The following MRPL1 variants were observed in gnomAD, a reference collection of about 807,000 sequenced individuals.
MRPL1 encodes the protein large ribosomal subunit protein uL1m.
A neutral mutation model predicts 38.0 loss-of-function variants in MRPL1; 28 were observed. The observed-to-expected ratio is 0.74, with a 90% CI of 0.55 to 1.01. The LOEUF is 1.01. Ranked by LOEUF, MRPL1 falls within the 50% of genes least tolerant of loss-of-function variation. The pLI, the probability that MRPL1 is intolerant of heterozygous loss-of-function variation, is 0.00. For missense variants in MRPL1, 358 were observed against 389.8 expected, an observed-to-expected ratio of 0.92 and a Z score of 0.69; for synonymous variants, 123 against 126.7, an observed-to-expected ratio of 0.97 and a Z score of 0.20.
intron 7 of MRPL1, among the ~76,000 whole-genome samples, chr4:77,937,181 C>T (rs1737005521): frequency 1.3e-5 from 2 of 152,022 alleles, no homozygotes. Context: ...TCATTTTCTT[C>T]ATTCTCTTTC....
At chr4:77,876,467 T>G (rs1735399764) in intron 2 of MRPL1, among the ~76,000 whole-genome samples, 1 of 152,184 alleles carries the variant, frequency 6.6e-6, no homozygotes, top group Admixed American at 6.5e-5. Flanking sequence ...TCCAGTATGG[T>G]TTTAAATGTG....
At chr4:77,935,242 C>T (rs1218769210) in intron 7 of MRPL1, among the ~76,000 whole-genome samples, 2 of 151,802 alleles carry the variant, frequency 1.3e-5, no homozygotes, top group South Asian at 4.2e-4. Context: ...AAAAGATACA[C>T]CCCCCAAAAT....
At chr4:77,916,208 GT>G (rs1399378571) in intron 7 of MRPL1, among the ~76,000 whole-genome samples, 2 of 152,088 alleles carry the variant, frequency 1.3e-5, no homozygotes, top group Non-Finnish European at 2.9e-5. Context: ...ATTTATCTGA[GT>G]TTGCTATATA....
At chr4:77,901,408 TATAA>T (rs1736030713) in intron 6 of MRPL1, among the ~76,000 whole-genome samples, 1 of 151,258 alleles carries the variant, frequency 6.6e-6, no homozygotes, top group South Asian at 2.1e-4. Context: ...AATTCAGCCA[TATAA>T]ATAGTTATGA....
chr4:77,928,984 T>C (rs1736784047), intron 7 of MRPL1, among the ~76,000 whole-genome samples: 1 of 152,236 alleles, frequency 6.6e-6, no homozygotes. Context: ...ATCCATTGTA[T>C]TTACAATGTA....
intron 5 of MRPL1, among the ~76,000 whole-genome samples, chr4:77,892,571 A>G (rs1157540202): frequency 6.6e-6 from 1 of 152,196 alleles, no homozygotes; most frequent in African/African-American, 2.4e-5. Context: ...TTCCATCCAC[A>G]GTTTTTTATT....
intron 2 of MRPL1, among the ~76,000 whole-genome samples, chr4:77,876,863 C>T: frequency 6.6e-6 from 1 of 151,986 alleles, no homozygotes. Flanking sequence ...TTGTTTCTCT[C>T]TTGACTGTGG....
intron 2 of MRPL1, among the ~76,000 whole-genome samples, chr4:77,874,038 A>C (rs1006171191): frequency 7.0e-6 from 1 of 143,438 alleles, no homozygotes. Flanking sequence ...TTGCACTGTC[A>C]CCTGGGCTGG....
At chr4:77,893,352 A>T (rs1735846017) in intron 5 of MRPL1, among the ~76,000 whole-genome samples, 1 of 151,882 alleles carries the variant, frequency 6.6e-6, no homozygotes, top group Admixed American at 6.6e-5. Flanking sequence ...CCTGAGCTCA[A>T]TTGATTTGCC....
At chr4:77,881,027 G>A (rs1392613177) in intron 2 of MRPL1, among the ~76,000 whole-genome samples, 3 of 152,196 alleles carry the variant, frequency 2.0e-5, no homozygotes, top group African/African-American at 7.2e-5. Context: ...TAATGAAAAG[G>A]CAGAAATGCA....
chr4:77,906,587 G>C (rs749894045), intron 6 of MRPL1, among the ~76,000 whole-genome samples: 2 of 152,166 alleles, frequency 1.3e-5, no homozygotes, highest in Non-Finnish European at 2.9e-5. Context: ...CAGAAATGAA[G>C]AGGAATGGCC....
intron 7 of MRPL1, among the ~76,000 whole-genome samples, chr4:77,922,706 G>T (rs1736606676): frequency 6.6e-6 from 1 of 152,206 alleles, no homozygotes; most frequent in African/African-American, 2.4e-5. Context: ...AAAGTGAAGA[G>T]AGCCAAGAAT....
intron 6 of MRPL1, among the ~76,000 whole-genome samples, chr4:77,901,310 A>T (rs1186985231): frequency 6.6e-6 from 1 of 152,130 alleles, no homozygotes; most frequent in Non-Finnish European, 1.5e-5. Context: ...ATATGCTAAA[A>T]TTTTTTTATT....
chr4:77,939,831 T>C (rs1038773621), intron 7 of MRPL1, among the ~76,000 whole-genome samples: 1 of 152,232 alleles, frequency 6.6e-6, no homozygotes, highest in African/African-American at 2.4e-5. Context: ...TTGTTTGCTT[T>C]GTCAAAGATG....
intron 1 of MRPL1, among the ~76,000 whole-genome samples, chr4:77,864,353 T>C (rs1378733074): frequency 1.3e-5 from 2 of 152,194 alleles, no homozygotes; most frequent in African/African-American, 2.4e-5. Flanking sequence ...CTCTTTACTT[T>C]GGAGTGTTCT....
At chr4:77,926,184 C>A (rs1017845127) in intron 7 of MRPL1, among the ~76,000 whole-genome samples, 4 of 152,204 alleles carry the variant, frequency 2.6e-5, no homozygotes, top group Non-Finnish European at 4.4e-5. Flanking sequence ...CTTACTTTAT[C>A]ATGCTGGGTA....
At chr4:77,879,408 C>T (rs1450236783) in intron 2 of MRPL1, among the ~76,000 whole-genome samples, 2 of 152,028 alleles carry the variant, frequency 1.3e-5, no homozygotes, top group Non-Finnish European at 2.9e-5. Flanking sequence ...TGTTGTGAAA[C>T]AAGGTCCAAA....
chr4:77,917,735 G>A (rs945040090), intron 7 of MRPL1, among the ~76,000 whole-genome samples: 11 of 152,066 alleles, frequency 7.2e-5, no homozygotes, highest in African/African-American at 2.7e-4. Context: ...TAAAGTACAG[G>A]AAAATGTGGT....
At chr4:77,935,910 C>T (rs1202046092) in intron 7 of MRPL1, among the ~76,000 whole-genome samples, 9 of 136,614 alleles carry the variant, frequency 6.6e-5, no homozygotes, top group African/African-American at 2.6e-4. Context: ...CCAGCCTGGG[C>T]GACAGAGCAA....
Sources: allele counts gnomAD v4.1 joint callset (sites outside exome capture counted in the v4.1 genomes callset), GRCh38; gene constraint gnomAD v4.1.1; transcripts MANE v1.5; gene names NCBI Gene and HGNC (gene_info 2026-07-23, HGNC 2026-07-21).